The following ANHX variants were observed in gnomAD, a reference collection of about 807,000 sequenced individuals.
The protein encoded by ANHX is anomalous homeobox protein.
In ANHX, 20 loss-of-function variants were observed where a neutral mutation model predicts 38.9. The ratio of observed to expected loss-of-function variants is 0.51; its 90% CI spans 0.36 to 0.75. ANHX has a LOEUF of 0.75. Among genes scored for constraint, ANHX ranks in the 30% least tolerant of loss-of-function variants. The pLI, the probability that ANHX is intolerant of heterozygous loss-of-function variation, is 0.00. For synonymous variants in ANHX, 185 were observed against 203.1 expected, an observed-to-expected ratio of 0.91 and a Z score of 0.76; for missense variants, 475 against 493.1, an observed-to-expected ratio of 0.96 and a Z score of 0.35.
At chr12:133,224,771 C>T (rs1262096910) in intron 7 of ANHX, among the ~76,000 whole-genome samples, 4 of 151,264 alleles carry the variant, frequency 2.6e-5, no homozygotes, top group South Asian at 4.2e-4. Flanking sequence ...CAAGACCATC[C>T]TGGCTAACAG....
intron 7 of ANHX, among the ~76,000 whole-genome samples, chr12:133,224,690 G>A (rs1363008781): frequency 1.4e-5 from 2 of 144,584 alleles, no homozygotes; most frequent in Admixed American, 7.1e-5. Flanking sequence ...AAAATGCTGG[G>A]CGTGGTGGCT....
intron 7 of ANHX, among the ~76,000 whole-genome samples, chr12:133,222,148 T>C (rs1957116564): frequency 6.6e-6 from 1 of 152,202 alleles, no homozygotes; most frequent in African/African-American, 2.4e-5. Context: ...TCCTCTTTCA[T>C]GCAGACCTTA....
intron 4 of ANHX, 80 bp downstream of exon 4, chr12:133,227,744 C>T: frequency 6.7e-7 from 1 of 1,493,578 alleles, no homozygotes; most frequent in South Asian, 1.3e-5. Context: ...CACTGAGGAG[C>T]CTGGGGTGGG....
At chr12:133,230,070 A>C (rs1957247339) in intron 3 of ANHX, among the ~76,000 whole-genome samples, 1 of 152,196 alleles carries the variant, frequency 6.6e-6, no homozygotes, top group South Asian at 2.1e-4. Context: ...CCTCTTCTGG[A>C]CATATTCTCT....
chr12:133,227,624 T>C (rs1957207314), intron 4 of ANHX, among the ~76,000 whole-genome samples, 200 bp downstream of exon 4: 1 of 152,190 alleles, frequency 6.6e-6, no homozygotes, highest in South Asian at 2.1e-4. Flanking sequence ...ATGTTATGAC[T>C]CCACGTGAGA....
intron 8 of ANHX, among the ~76,000 whole-genome samples, chr12:133,220,568 G>C (rs889375084): frequency 2.0e-5 from 3 of 152,174 alleles, no homozygotes; most frequent in East Asian, 1.9e-4. Flanking sequence ...CCTGGTTGCA[G>C]CTCCCTGATG....
intron 3 of ANHX, among the ~76,000 whole-genome samples, chr12:133,230,433 G>GCGAC (rs1489341865): frequency 1.3e-5 from 2 of 152,194 alleles, no homozygotes; most frequent in Non-Finnish European, 2.9e-5. Context: ...TCTTCCTTCA[G>GCGAC]CGACCAGTAT....
chr12:133,228,967 C>A (rs1448194323), intron 3 of ANHX, among the ~76,000 whole-genome samples: 1 of 152,186 alleles, frequency 6.6e-6, no homozygotes, highest in Non-Finnish European at 1.5e-5. Context: ...CCAGCTCACA[C>A]AATCCGAAGT....
intron 7 of ANHX, among the ~76,000 whole-genome samples, chr12:133,224,922 ACGCCAC>A (rs1391610606): frequency 6.7e-6 from 1 of 148,278 alleles, no homozygotes; most frequent in Non-Finnish European, 1.5e-5. Flanking sequence ...AGCCGAGATC[ACGCCAC>A]TGCACTCCAG....
intron 7 of ANHX, among the ~76,000 whole-genome samples, chr12:133,224,320 A>G (rs1957153569): frequency 6.6e-6 from 1 of 152,022 alleles, no homozygotes; most frequent in Admixed American, 6.5e-5. Context: ...CTCCAAGAAG[A>G]AAAAAAAGCT....
chr12:133,230,970 C>T (rs2135572492), intron 3 of ANHX, among the ~76,000 whole-genome samples: 1 of 152,282 alleles, frequency 6.6e-6, no homozygotes, highest in Non-Finnish European at 1.5e-5. Context: ...TATTTAGTGC[C>T]TATCATGTGC....
chr12:133,222,834 T>TA (rs1319115320), intron 7 of ANHX, among the ~76,000 whole-genome samples: 1 of 152,120 alleles, frequency 6.6e-6, no homozygotes, highest in Non-Finnish European at 1.5e-5. Context: ...CCATAGAAAG[T>TA]AACAATCTAT....
rs142758445 is a variant in ANHX, at chr12:133,222,795, G to A, written c.1133-1443C>T. Among the ~76,000 whole-genome samples the A allele has an allele frequency of 3.2e-3, 489 of 152,232 alleles. 3 individuals are homozygous for A. Among genetic ancestry groups the A allele is most frequent in the African/African-American group, 0.011 (456 of 41,536 alleles). On this transcript the variant is annotated intron_variant, in intron 7 of 9. Transcript: ENST00000545940. ...GCACATTTAAAAAAATTATTATTAG[G>A]AACCTTAGAGAAGTGTAAGATATTG...
At chr12:133,234,703 A>G in intron 1 of ANHX, 1 of 270,186 alleles carries the variant, frequency 3.7e-6, no homozygotes, top group Non-Finnish European at 7.1e-6. Flanking sequence ...TCACCAGTGG[A>G]TGCCAAGGCC....
intron 3 of ANHX, among the ~76,000 whole-genome samples, chr12:133,229,375 C>G (rs1250143691): frequency 6.6e-6 from 1 of 152,192 alleles, no homozygotes; most frequent in African/African-American, 2.4e-5. Flanking sequence ...TAAAATGCAT[C>G]TCGCACATCA....
chr12:133,218,989 G>A lies in ANHX; in HGVS notation c.1366-18C>T, dbSNP rs1957072338. The A allele has an allele frequency of 6.6e-7, 1 of 1,525,010 alleles. No homozygotes were observed. The highest frequency in any genetic ancestry group is 8.8e-7 in the Non-Finnish European group (1 of 1,138,860). The allele number at this position is 1,525,010 out of a possible 1,614,324, so 94.5% of individuals were successfully genotyped here. ...CACTGCACCTGGAAGACAACACAGT[G>A]GTAAACACAGAGGCTTCCTTTCCAG... On this transcript the variant is annotated intron_variant, in intron 9 of 9. Transcript: ENST00000545940.
chr12:133,235,549 G>T (rs1015827651), intron 1 of ANHX: 1 of 151,560 alleles, frequency 6.6e-6, no homozygotes, highest in Non-Finnish European at 1.5e-5. Flanking sequence ...TCCAGCCTGG[G>T]AGGCTCCACC....
At chr12:133,229,356 T>C (rs545426847) in intron 3 of ANHX, among the ~76,000 whole-genome samples, 2 of 152,290 alleles carry the variant, frequency 1.3e-5, no homozygotes, top group South Asian at 4.1e-4. Flanking sequence ...CAGTGCCTAC[T>C]TGGACATCTA....
chr12:133,219,835 G>C (rs1957084624), intron 8 of ANHX, among the ~76,000 whole-genome samples: 2 of 152,164 alleles, frequency 1.3e-5, no homozygotes, highest in Admixed American at 1.3e-4. Context: ...CTTTATCTGT[G>C]ATGCCCCCAA....
Sources: gnomAD v4.1 joint callset for allele counts (sites outside exome capture counted in the v4.1 genomes callset) on GRCh38, gnomAD v4.1.1 for gene constraint, MANE v1.5 for transcripts, NCBI Gene and HGNC (gene_info 2026-07-23, HGNC 2026-07-21) for gene names.